ENPP2: variants seen among roughly 807,000 people sequenced by gnomAD.
ENPP2 encodes the protein autotaxin.
In ENPP2, 51 loss-of-function variants were observed where a neutral mutation model predicts 120.2. The observed-to-expected ratio is 0.42, with a 90% CI of 0.34 to 0.54. The LOEUF (loss-of-function observed/expected upper bound fraction) is 0.54. Ranked by LOEUF, ENPP2 falls within the 20% of genes least tolerant of loss-of-function variation. ENPP2 has a pLI of 0.04. For synonymous variants in ENPP2, 365 were observed against 366.4 expected (o/e 1.00, Z 0.04); for missense variants, 920 against 1,066.5 (o/e 0.86, Z 1.91).
rs748466835 is a variant in ENPP2, at chr8:119,626,567, G to A, written c.290C>T (p.Thr97Ile). Residue 97 changes from threonine (T) to isoleucine (I), a missense_variant and splice_region_variant, in exon 3 of 25, where the codon ACA becomes ATA. Transcript: ENST00000075322. ...GAGAGGACTCATAAGTTACGTACCT[G>A]TCTTCAAACACAGCTCATCAAAGTC... ...CHDFDELCLK[T>I]ARGWECTKDR... 6.2e-7 allele frequency: 1 copy of A among 1,613,508 alleles called. No individual in the cohort carries two copies. Among genetic ancestry groups the A allele is most frequent in the Non-Finnish European group, 8.5e-7 (1 of 1,179,456 alleles).
intron 7 of ENPP2, among the ~76,000 whole-genome samples, 189 bp downstream of exon 7, chr8:119,616,975 G>C (rs533013745): frequency 1.5e-4 from 23 of 152,294 alleles, no homozygotes; most frequent in African/African-American, 5.5e-4. Context: ...TTTAAAGTTG[G>C]AATGAAGTTC....
chr8:119,657,841 T>C (rs971662160), intron 1 of ENPP2, among the ~76,000 whole-genome samples: 1 of 152,226 alleles, frequency 6.6e-6, no homozygotes, highest in African/African-American at 2.4e-5. Flanking sequence ...TGTGGACTCT[T>C]GCTGTCTTGC....
At position 119,593,736 on chromosome 8, in the gene ENPP2, A is replaced by G; in HGVS notation, c.1081+16T>C. 6.6e-7 allele frequency: 1 copy of G among 1,506,386 alleles called. No individual in the cohort carries two copies. The highest frequency in any genetic ancestry group is 9.2e-7 in the Non-Finnish European group (1 of 1,081,778). 93.3% of individuals were successfully genotyped at this position (1,506,386 alleles called of 1,614,324 possible). Reference sequence around the variant, plus strand: ...TATCCATCTATCCTATTAGCAAAGAAAAAACAAAGCTTTACCATGGTCTCC... The same window carrying G: ...TATCCATCTATCCTATTAGCAAAGAGAAAACAAAGCTTTACCATGGTCTCC... On this transcript the variant is annotated intron_variant, in intron 12 of 24. Coordinates refer to ENST00000075322, the MANE Select transcript of ENPP2 (RefSeq NM_001040092.3).
At chr8:119,581,690 T>G (rs1424639747) in intron 18 of ENPP2, among the ~76,000 whole-genome samples, 11 of 152,084 alleles carry the variant, frequency 7.2e-5, no homozygotes, top group Admixed American at 7.2e-4. Flanking sequence ...CCATCCACCC[T>G]GCTCAGCCTT....
intron 11 of ENPP2, among the ~76,000 whole-genome samples, chr8:119,599,635 C>T (rs1814145080): frequency 6.6e-6 from 1 of 152,138 alleles, no homozygotes; most frequent in Admixed American, 6.5e-5. Flanking sequence ...TCCTTTCCCA[C>T]CTTCTGAATT....
chr8:119,626,112 C>T (rs1816255867), intron 3 of ENPP2, among the ~76,000 whole-genome samples: 1 of 152,126 alleles, frequency 6.6e-6, no homozygotes, highest in Admixed American at 6.5e-5. Flanking sequence ...AATCCTAGCA[C>T]TTTGGGAGGC....
chr8:119,627,276 T>C (rs1235292509), intron 2 of ENPP2, among the ~76,000 whole-genome samples: 1 of 152,178 alleles, frequency 6.6e-6, no homozygotes, highest in Non-Finnish European at 1.5e-5. Context: ...AAATACAAGC[T>C]CTATAATCTG....
At chr8:119,660,599 T>A (rs1817892437) in intron 1 of ENPP2, among the ~76,000 whole-genome samples, 1 of 152,194 alleles carries the variant, frequency 6.6e-6, no homozygotes, top group African/African-American at 2.4e-5. Flanking sequence ...TTCAAACAGA[T>A]CTTAGTTTGA....
intron 8 of ENPP2, 71 bp downstream of exon 8, chr8:119,616,194 A>C: frequency 6.8e-7 from 1 of 1,464,384 alleles, no homozygotes; most frequent in East Asian, 2.3e-5. Flanking sequence ...CACATCTAAC[A>C]AATTTGGGGA....
intron 19 of ENPP2, chr8:119,572,212 T>C (rs761918359): frequency 6.4e-7 from 1 of 1,555,592 alleles, no homozygotes; most frequent in South Asian, 1.2e-5. Flanking sequence ...ATGTTTTCCT[T>C]GTTTTCATTT....
At chr8:119,609,643 T>C (rs1378097121) in intron 8 of ENPP2, among the ~76,000 whole-genome samples, 2 of 152,166 alleles carry the variant, frequency 1.3e-5, no homozygotes, top group African/African-American at 4.8e-5. Flanking sequence ...TCAAATGAAG[T>C]GCTGGACACA....
At chr8:119,671,132 C>CAAAAA (rs371191607) in intron 1 of ENPP2, among the ~76,000 whole-genome samples, 6 of 115,218 alleles carry the variant, frequency 5.2e-5, no homozygotes, top group African/African-American at 1.3e-4. Context: ...ACTAAAAATA[C>CAAAAA]AAAAAAAAAA....
intron 1 of ENPP2, among the ~76,000 whole-genome samples, chr8:119,649,401 C>CAA (rs755896948): frequency 5.2e-5 from 4 of 76,282 alleles, no homozygotes; most frequent in South Asian, 4.0e-4. Context: ...GACTCCATCT[C>CAA]AAAAAAAAAA....
intron 8 of ENPP2, among the ~76,000 whole-genome samples, chr8:119,614,599 A>C (rs900964380): frequency 6.6e-6 from 1 of 152,200 alleles, no homozygotes; most frequent in Non-Finnish European, 1.5e-5. Flanking sequence ...ATGTGGCCTC[A>C]TCTTCTTCTG....
chr8:119,640,095 T>G (rs535824561), upstream of ENPP2, among the ~76,000 whole-genome samples: 1 of 152,296 alleles, frequency 6.6e-6, no homozygotes, highest in Admixed American at 6.5e-5. Context: ...TATAGGGGGT[T>G]GTACAGTAGG....
chr8:119,560,766 G>C (rs1483956288), intron 24 of ENPP2, among the ~76,000 whole-genome samples: 1 of 152,096 alleles, frequency 6.6e-6, no homozygotes, highest in Non-Finnish European at 1.5e-5. Context: ...ATGGGCTCTT[G>C]GAGTCAGAGG....
chr8:119,561,008 G>C (rs1813882508), intron 24 of ENPP2, among the ~76,000 whole-genome samples: 1 of 152,232 alleles, frequency 6.6e-6, no homozygotes, highest in East Asian at 1.9e-4. Flanking sequence ...TACTACTACT[G>C]CTCCTGCTAT....
At chr8:119,574,424 G>T (rs1481176460) in intron 19 of ENPP2, among the ~76,000 whole-genome samples, 2 of 151,382 alleles carry the variant, frequency 1.3e-5, no homozygotes, top group Non-Finnish European at 2.9e-5. Context: ...GGCTGAGAAT[G>T]CCTGTCATGG....
intron 2 of ENPP2, among the ~76,000 whole-genome samples, chr8:119,629,591 A>G (rs1341366500): frequency 1.3e-5 from 2 of 152,240 alleles, no homozygotes; most frequent in Non-Finnish European, 2.9e-5. Context: ...TTACCAGATC[A>G]TGAGATGTGA....
Sources: gnomAD v4.1 joint callset for allele counts (sites outside exome capture counted in the v4.1 genomes callset) on GRCh38, gnomAD v4.1.1 for gene constraint, MANE v1.5 for transcripts, NCBI Gene and HGNC (gene_info 2026-07-23, HGNC 2026-07-21) for gene names.